The following RPH3AL variants were observed in gnomAD, a reference collection of about 807,000 sequenced individuals.
RPH3AL encodes rabphilin 3A like (without C2 domains).
RPH3AL carries 38 observed loss-of-function variants against 43.1 expected under a neutral mutation model. The ratio of observed to expected loss-of-function variants is 0.88; its 90% CI spans 0.68 to 1.15. The LOEUF is 1.15. RPH3AL is among the 50% of genes most tolerant of loss of function. The pLI, the probability that RPH3AL is intolerant of heterozygous loss-of-function variation, is 0.00. For synonymous variants in RPH3AL, 189 were observed against 176.3 expected (o/e 1.07, Z -0.57); for missense variants, 462 against 423.2 (o/e 1.09, Z -0.81).
chr17:259,313 T>A (rs1303315428), intron 6 of RPH3AL, among the ~76,000 whole-genome samples: 5 of 152,180 alleles, frequency 3.3e-5, no homozygotes, highest in African/African-American at 1.2e-4. Context: ...CTGTCAGTAT[T>A]TCTGAAAATG....
At chr17:218,135 C>A (rs1353133984) in intron 8 of RPH3AL, among the ~76,000 whole-genome samples, 2 of 151,622 alleles carry the variant, frequency 1.3e-5, no homozygotes, top group Admixed American at 6.6e-5. Context: ...TCGCTGAAAT[C>A]AGGACCTCCA....
At chr17:293,140 G>A (rs1035229620) in intron 5 of RPH3AL, among the ~76,000 whole-genome samples, 2 of 151,978 alleles carry the variant, frequency 1.3e-5, no homozygotes, top group South Asian at 4.2e-4. Flanking sequence ...GACCACCTGC[G>A]AGCCTCAGGC....
chr17:263,092 A>C (rs1555546844), intron 6 of RPH3AL, among the ~76,000 whole-genome samples: 1 of 152,198 alleles, frequency 6.6e-6, no homozygotes, highest in Admixed American at 6.5e-5. Flanking sequence ...GGAAGAATTC[A>C]TTATAGCTAA....
intron 7 of RPH3AL, among the ~76,000 whole-genome samples, chr17:232,337 C>A (rs1263115745): frequency 6.6e-6 from 1 of 152,232 alleles, no homozygotes; most frequent in Non-Finnish European, 1.5e-5. Context: ...ACGCACAGCG[C>A]CCAGGACAGC....
rs72815395 is a variant in RPH3AL, at chr17:248,678, C to T, written c.439-1393G>A. ...TCCTCTAATATCCCCAGCTTGGACA[C>T]CCAGGCTCCCCACTCCTGCTGTCCC... On this transcript the variant is annotated intron_variant, in intron 6 of 9. Transcript: ENST00000331302. 3.2e-3 allele frequency among the ~76,000 whole-genome samples: 485 copies of T among 152,312 alleles called. 1 individual carries two copies. The highest frequency in any genetic ancestry group is 5.5e-3 in the Non-Finnish European group (375 of 68,032).
rs897863516 is a variant in RPH3AL, at chr17:283,176, C to T, written c.352-1322G>A. On this transcript the variant is annotated intron_variant, in intron 5 of 9. Coordinates refer to ENST00000331302, the MANE Select transcript of RPH3AL (RefSeq NM_006987.4). The surrounding 1 kb of genome is among the most constrained non-coding windows in gnomAD (Gnocchi z 4.2). ...GTGGGGGCTCTCTGCAGCCCCCCGCCGAGGGAAGGTTGCATCTGTTGCTTG... is the reference window on the plus strand; with the variant it reads ...GTGGGGGCTCTCTGCAGCCCCCCGCTGAGGGAAGGTTGCATCTGTTGCTTG... Among the ~76,000 whole-genome samples, 1 of 152,116 alleles carries T rather than the reference C, an allele frequency of 6.6e-6. No individual in the cohort carries two copies. Among genetic ancestry groups the T allele is most frequent in the Non-Finnish European group, 1.5e-5 (1 of 68,020 alleles).
At chr17:250,904 A>G (rs1894165699) in intron 6 of RPH3AL, among the ~76,000 whole-genome samples, 1 of 151,740 alleles carries the variant, frequency 6.6e-6, no homozygotes. Flanking sequence ...CCTAAGCGCC[A>G]TCGCTGCAGG....
intron 9 of RPH3AL, among the ~76,000 whole-genome samples, chr17:214,222 A>C (rs1288464017): frequency 6.6e-6 from 1 of 152,152 alleles, no homozygotes; most frequent in Non-Finnish European, 1.5e-5. Context: ...ACCCTCCTTT[A>C]AGCCAATCTT....
At chr17:258,316 T>G (rs187478926) in intron 6 of RPH3AL, among the ~76,000 whole-genome samples, 1 of 152,238 alleles carries the variant, frequency 6.6e-6, no homozygotes, top group Non-Finnish European at 1.5e-5. Context: ...TAAACGCTGG[T>G]TGAATGACTG....
At chr17:263,582 A>AGAT (rs1226523812) in intron 6 of RPH3AL, among the ~76,000 whole-genome samples, 1 of 152,228 alleles carries the variant, frequency 6.6e-6, no homozygotes, top group Admixed American at 6.5e-5. Flanking sequence ...AAAATGTAAC[A>AGAT]GATTGGTAAT....
chr17:241,655 A>C (rs2151530513), intron 7 of RPH3AL, among the ~76,000 whole-genome samples: 1 of 152,034 alleles, frequency 6.6e-6, no homozygotes, highest in Non-Finnish European at 1.5e-5. Context: ...ATATGTTTGT[A>C]GGAACACAGA....
intron 1 of RPH3AL, chr17:339,018 A>T (rs1220036678): frequency 6.5e-6 from 1 of 152,776 alleles, no homozygotes; most frequent in African/African-American, 2.4e-5. Flanking sequence ...CCTGCCAGGT[A>T]CTTCTCCAAC....
intron 6 of RPH3AL, among the ~76,000 whole-genome samples, chr17:277,434 G>A (rs776008248): frequency 6.6e-6 from 1 of 152,184 alleles, no homozygotes; most frequent in Non-Finnish European, 1.5e-5. Flanking sequence ...AAAATGTAGA[G>A]AGTAGATGTT....
chr17:344,333 C>G (rs1373482707), intron 1 of RPH3AL, among the ~76,000 whole-genome samples: 3 of 128,844 alleles, frequency 2.3e-5, no homozygotes, highest in Non-Finnish European at 5.2e-5. Context: ...ATCACCATCA[C>G]CGTCATCATT....
Position 264,611 on chromosome 17 carries a change from G to T in RPH3AL, c.438+17157C>A, listed in dbSNP as rs1170268203. Among the ~76,000 whole-genome samples the T allele has an allele frequency of 1.3e-5, 2 of 152,206 alleles. No homozygotes were observed. The highest frequency in any genetic ancestry group is 4.8e-5 in the African/African-American group (2 of 41,446). On this transcript the variant is annotated intron_variant, in intron 6 of 9. Transcript: ENST00000331302. The surrounding 1 kb of genome is among the most constrained non-coding windows in gnomAD (Gnocchi z 4.8). ...TTTTCCGCTGATCGGTGTGAGGAGGGCATGAAGCATGTCACAAGGCCTATT... is the reference window on the plus strand; with the variant it reads ...TTTTCCGCTGATCGGTGTGAGGAGGTCATGAAGCATGTCACAAGGCCTATT...
At position 285,713 on chromosome 17, in the gene RPH3AL, G is replaced by T. The variant is rs996914915; in HGVS notation, c.352-3859C>A. 2.0e-5 allele frequency among the ~76,000 whole-genome samples: 3 copies of T among 152,286 alleles called. No individual in the cohort carries two copies. The East Asian group carries it at 5.8e-4, about 29-fold the overall frequency. ...AGAGAAATACATTTTCATCCTCACC[G>T]TGAGGTTCTGCAGGACGGCGCTCGG... On this transcript the variant is annotated intron_variant, in intron 5 of 9. Coordinates refer to ENST00000331302, the MANE Select transcript of RPH3AL (RefSeq NM_006987.4).
chr17:334,792 A>G (rs187230550), intron 1 of RPH3AL, among the ~76,000 whole-genome samples: 24 of 71,702 alleles, frequency 3.3e-4, no homozygotes, highest in African/African-American at 1.2e-3. Flanking sequence ...GACAGGGACA[A>G]GGACAGGGAC....
intron 6 of RPH3AL, among the ~76,000 whole-genome samples, chr17:262,467 G>A (rs1037676622): frequency 2.0e-5 from 3 of 152,204 alleles, no homozygotes; most frequent in African/African-American, 7.2e-5. Flanking sequence ...ACCCGCCTCG[G>A]CCTCCCAAAG....
intron 7 of RPH3AL, among the ~76,000 whole-genome samples, chr17:233,213 C>G (rs975191312): frequency 2.6e-5 from 4 of 152,084 alleles, no homozygotes; most frequent in African/African-American, 9.7e-5. Context: ...AGAGCCTGAT[C>G]TGAGAGCTGC....
Sources: gnomAD v4.1 joint callset for allele counts (sites outside exome capture counted in the v4.1 genomes callset) on GRCh38, gnomAD v4.1.1 for gene constraint, Gnocchi (gnomAD v3.1) non-coding constraint, MANE v1.5 for transcripts, NCBI Gene and HGNC (gene_info 2026-07-23, HGNC 2026-07-21) for gene names.